Variants in RP9 observed in about 807,000 individuals in gnomAD.
The protein encoded by RP9 is RP9 pre-mRNA splicing factor, also known as retinitis pigmentosa 9 protein.
RP9 carries 23 observed loss-of-function variants against 32.6 expected under a neutral mutation model. The ratio of observed to expected loss-of-function variants is 0.71; its 90% confidence interval spans 0.51 to 1.00. The LOEUF is 1.00. Among genes scored for constraint, RP9 ranks in the 50% least tolerant of loss-of-function variants. The pLI is 0.00. For synonymous variants in RP9, 94 were observed against 103.6 expected, an observed-to-expected ratio of 0.91 and a Z score of 0.56; for missense variants, 245 against 285.3, an observed-to-expected ratio of 0.86 and a Z score of 1.02.
chr7:33,106,190 C>G (rs1175027618), intron 1 of RP9, among the ~76,000 whole-genome samples: 1 of 151,666 alleles, frequency 6.6e-6, no homozygotes, highest in Admixed American at 6.6e-5. Context: ...GTTTTTGAGA[C>G]AGGATATCAC....
Position 33,095,113 on chromosome 7 carries a change from C to G in RP9, c.*121G>C, listed in dbSNP as rs957485158. 9.2e-7 allele frequency: 1 copy of G among 1,089,576 alleles called. No individual in the cohort carries two copies. The allele number at this position is 1,089,576 out of a possible 1,614,324, so 67.5% of individuals were successfully genotyped here. A position where few individuals can be genotyped will look rare whatever the true frequency, so the allele number is the denominator to read the frequency against. On this transcript the variant is annotated 3_prime_UTR_variant, in exon 6 of 6. Coordinates refer to ENST00000297157, the MANE Select transcript of RP9 (RefSeq NM_203288.2). Reference sequence around the variant, plus strand: ...TCACTGCAAGGCGGGTGGGAGCTCACTGCTGTGACCCACATATACTCCTCT... The same window carrying G: ...TCACTGCAAGGCGGGTGGGAGCTCAGTGCTGTGACCCACATATACTCCTCT...
chr7:33,101,635 A>G (rs981044347), intron 1 of RP9, among the ~76,000 whole-genome samples: 53 of 152,176 alleles, frequency 3.5e-4, no homozygotes, highest in Admixed American at 7.8e-4. Flanking sequence ...CTCCCCTTCT[A>G]TAAGATGTGG....
rs772674019 is a variant in RP9 at position 33,096,535 on chromosome 7, T to C, written c.425A>G (p.Tyr142Cys). ...QFRVAHEDPM[Y>C]DIIRDNKRHE... ...TCGTTTATTGTCTCGTATGATGTCA[T>C]ACATGGGATCTTCATGTGCCTTAAG... The change falls in exon 5 of 6, where the codon TAT (tyrosine) becomes TGT (cysteine). Residue 142 changes from tyrosine to cysteine, a missense_variant. By Grantham distance (194) the Tyr-to-Cys change is radical. This residue lies in a region of RP9 where 63 missense variants were observed against 109.8 expected (regional missense o/e 0.57). Coordinates refer to ENST00000297157, the MANE Select transcript of RP9 (RefSeq NM_203288.2). 19 of 1,613,112 alleles carry C rather than the reference T, an allele frequency of 1.2e-5. No homozygotes were observed. The highest frequency in any genetic ancestry group is 1.5e-5 in the Non-Finnish European group (18 of 1,179,164).
chr7:33,109,109 G>A lies in RP9; in HGVS notation c.152+112C>T, dbSNP rs1788543780. ...GGCTCCTGCCGGGCCCAGCCCCCCT[G>A]CCTGCTCGCGGGGGCTCGGAGGACC... is the stretch of plus-strand genomic sequence containing the variant. On this transcript the variant is annotated intron_variant, in intron 1 of 5. Transcript: ENST00000297157. The surrounding 1 kb of genome is among the most constrained non-coding windows in gnomAD (Gnocchi z 4.9). 2 of 1,384,566 alleles carry A rather than the reference G, an allele frequency of 1.4e-6. No individual in the cohort carries two copies. Among genetic ancestry groups the A allele is most frequent in the East Asian group, 3.3e-5 (1 of 30,012 alleles). 85.8% of individuals were successfully genotyped at this position (1,384,566 alleles called of 1,614,324 possible).
intron 1 of RP9, among the ~76,000 whole-genome samples, chr7:33,107,549 CA>C (rs1194511294): frequency 6.6e-6 from 1 of 152,124 alleles, no homozygotes; most frequent in East Asian, 1.9e-4. Context: ...TTGAAAGGGC[CA>C]GGACTGCCCT....
intron 1 of RP9, among the ~76,000 whole-genome samples, chr7:33,101,339 C>T (rs915088426): frequency 4.6e-5 from 7 of 152,110 alleles, no homozygotes; most frequent in African/African-American, 9.7e-5. Context: ...TGGTGGCTCG[C>T]GCCTGTAATC....
At chr7:33,101,601 TAAAAAA>T (rs143652426) in intron 1 of RP9, among the ~76,000 whole-genome samples, 6 of 144,956 alleles carry the variant, frequency 4.1e-5, no homozygotes, top group African/African-American at 1.3e-4. Flanking sequence ...GACTCTGTCT[TAAAAAA>T]AAAAAAAAAA....
intron 4 of RP9, 43 bp downstream of exon 4, chr7:33,097,228 T>C (rs1275787089): frequency 7.1e-7 from 1 of 1,404,706 alleles, no homozygotes; most frequent in Non-Finnish European, 1.0e-6. Flanking sequence ...TGATTTTCAC[T>C]ATCTCTGATA....
chr7:33,104,664 G>C (rs1788473666), intron 1 of RP9, among the ~76,000 whole-genome samples: 1 of 152,188 alleles, frequency 6.6e-6, no homozygotes, highest in Admixed American at 6.5e-5. Context: ...CCAAAACTGA[G>C]TGAAAATTGT....
At chr7:33,106,095 GAA>G (rs1490330351) in intron 1 of RP9, among the ~76,000 whole-genome samples, 1 of 151,636 alleles carries the variant, frequency 6.6e-6, no homozygotes, top group African/African-American at 2.4e-5. Context: ...CAATAGTATA[GAA>G]AGCAAAATAA....
At chr7:33,097,425 C>A in intron 3 of RP9, 63 bp from the exon 4 acceptor site, 1 of 1,169,644 alleles carries the variant, frequency 8.5e-7, no homozygotes. Flanking sequence ...GATAAAGAAT[C>A]AGCAGAATAT....
chr7:33,105,102 A>G (rs867245430), intron 1 of RP9, among the ~76,000 whole-genome samples: 49 of 152,190 alleles, frequency 3.2e-4, no homozygotes, highest in African/African-American at 1.2e-3. Flanking sequence ...GAGAGTGGGA[A>G]AGGATGCCCT....
chr7:33,104,926 T>C (rs1225550060), intron 1 of RP9, among the ~76,000 whole-genome samples: 2 of 152,206 alleles, frequency 1.3e-5, no homozygotes, highest in African/African-American at 4.8e-5. Flanking sequence ...TCAAATTATG[T>C]ACCAAGTTTT....
At chr7:33,099,563 A>G (rs1416305402) in intron 2 of RP9, 127 bp from the exon 3 acceptor site, 1 of 955,068 alleles carries the variant, frequency 1.0e-6, no homozygotes, top group East Asian at 2.4e-5. Context: ...GTTACCCCTC[A>G]AAACTAGAAA....
chr7:33,100,063 C>T lies in RP9; in HGVS notation c.183+468G>A, dbSNP rs1350177353. On this transcript the variant is annotated intron_variant, in intron 2 of 5. Coordinates refer to ENST00000297157, the MANE Select transcript of RP9 (RefSeq NM_203288.2). ...GGCCGTGGCCTGCCACTCTAAGTCT[C>T]CCTCGTGCACACACACCCTGGCACC... is the stretch of plus-strand genomic sequence containing the variant. 2.2e-5 allele frequency: 4 copies of T among 182,916 alleles called. No individual in the cohort carries two copies. In the South Asian group the frequency reaches 4.7e-4, roughly 21 times the overall value. 11.3% of individuals were successfully genotyped at this position (182,916 alleles called of 1,614,324 possible).
At chr7:33,103,715 A>G (rs1788459743) in intron 1 of RP9, among the ~76,000 whole-genome samples, 1 of 152,162 alleles carries the variant, frequency 6.6e-6, no homozygotes. Flanking sequence ...GCTACTCTGT[A>G]GGCTGATTCA....
chr7:33,100,368 C>T, intron 2 of RP9, 163 bp downstream of exon 2: 1 of 708,964 alleles, frequency 1.4e-6, no homozygotes, highest in Non-Finnish European at 2.5e-6. Flanking sequence ...AAGGCAGAGG[C>T]TTGTGACAAA....
At chr7:33,107,870 G>C (rs1788520791) in intron 1 of RP9, among the ~76,000 whole-genome samples, 2 of 152,166 alleles carry the variant, frequency 1.3e-5, no homozygotes, top group Admixed American at 1.3e-4. Context: ...GCCACCTGGT[G>C]GGATAACATT....
chr7:33,096,826 C>T (rs1400261765), intron 4 of RP9, among the ~76,000 whole-genome samples: 1 of 111,326 alleles, frequency 9.0e-6, no homozygotes, highest in Non-Finnish European at 1.9e-5. Context: ...TATAACACTG[C>T]CACCTCAAAA....
Sources: gnomAD v4.1 joint callset for allele counts (sites outside exome capture counted in the v4.1 genomes callset) on GRCh38, gnomAD v4.1.1 for gene constraint, gnomAD v4.1.1 regional missense constraint, Gnocchi (gnomAD v3.1) non-coding constraint, MANE v1.5 for transcripts, NCBI Gene and HGNC (gene_info 2026-07-23, HGNC 2026-07-21) for gene names.